Variants in ADAMTSL1 observed in about 807,000 individuals in gnomAD.
ADAMTSL1 encodes ADAMTS like 1, also known as ADAMTS-like protein 1.
ADAMTSL1 carries 126 observed loss-of-function variants against 201.8 expected under a neutral mutation model. The observed-to-expected ratio is 0.62, with a 90% confidence interval of 0.54 to 0.72. The LOEUF (loss-of-function observed/expected upper bound fraction) is 0.72, where lower values mean the gene tolerates loss of function less well. ADAMTSL1 is among the 30% of genes least tolerant of loss of function. The pLI, the probability that ADAMTSL1 is intolerant of heterozygous loss-of-function variation, is 0.00. For missense variants in ADAMTSL1, 2,679 were observed against 2,277.8 expected (o/e 1.18, Z -3.59); for synonymous variants, 1,121 against 903.4 (o/e 1.24, Z -4.32).
chr9:18,880,613 G>C (rs965484590), intron 23 of ADAMTSL1, among the ~76,000 whole-genome samples: 7 of 152,186 alleles, frequency 4.6e-5, no homozygotes. Context: ...CAGATGTGCT[G>C]TCATCCAGGC....
intron 23 of ADAMTSL1, among the ~76,000 whole-genome samples, chr9:18,860,869 T>A (rs1469126958): frequency 6.6e-6 from 1 of 152,210 alleles, no homozygotes; most frequent in Non-Finnish European, 1.5e-5. Context: ...ATAACAGGCA[T>A]AATTTCTGTC....
At chr9:18,677,844 C>CAGTATCATAAGTATAACAG (rs1218568020) in intron 10 of ADAMTSL1, among the ~76,000 whole-genome samples, 91 of 151,980 alleles carry the variant, frequency 6.0e-4, no homozygotes, top group Non-Finnish European at 1.1e-3. Context: ...TGATACTGAA[C>CAGTATCATAAGTATAACAG]TAGTTATAAA....
At chr9:18,665,331 A>G (rs1829365777) in intron 9 of ADAMTSL1, among the ~76,000 whole-genome samples, 1 of 152,120 alleles carries the variant, frequency 6.6e-6, no homozygotes, top group Admixed American at 6.6e-5. Context: ...ATTTGAACTA[A>G]TCAACTAAAA....
At chr9:18,401,375 C>T (rs1817978020) in intron 2 of ADAMTSL1, among the ~76,000 whole-genome samples, 1 of 152,204 alleles carries the variant, frequency 6.6e-6, no homozygotes, top group African/African-American at 2.4e-5. Flanking sequence ...CCCAGTTCTA[C>T]GTTCTGACTT....
chr9:18,615,250 G>C (rs1415212807), intron 4 of ADAMTSL1, among the ~76,000 whole-genome samples: 1 of 152,146 alleles, frequency 6.6e-6, no homozygotes, highest in Non-Finnish European at 1.5e-5. Flanking sequence ...AAAAAACCAA[G>C]TGTGTAAAAG....
intron 14 of ADAMTSL1, among the ~76,000 whole-genome samples, chr9:18,709,751 G>A (rs1373262729): frequency 6.6e-6 from 1 of 152,124 alleles, no homozygotes; most frequent in Non-Finnish European, 1.5e-5. Context: ...GTGTTATCAA[G>A]GAAAACAACT....
At chr9:18,857,657 A>C in intron 23 of ADAMTSL1, among the ~76,000 whole-genome samples, 1 of 152,184 alleles carries the variant, frequency 6.6e-6, no homozygotes, top group East Asian at 1.9e-4. Flanking sequence ...TGCAGAAGTT[A>C]AGTTCCAAAG....
At chr9:18,150,364 C>T (rs1826854727) in intron 1 of ADAMTSL1, among the ~76,000 whole-genome samples, 1 of 151,934 alleles carries the variant, frequency 6.6e-6, no homozygotes, top group African/African-American at 2.4e-5. Flanking sequence ...AAAGGGATGA[C>T]CTACTAGGTC....
chr9:18,105,204 C>T (rs1433931017), intron 1 of ADAMTSL1, among the ~76,000 whole-genome samples: 1 of 152,154 alleles, frequency 6.6e-6, no homozygotes, highest in African/African-American at 2.4e-5. Flanking sequence ...AATATGTGCT[C>T]TCTGAGTTTC....
chr9:18,054,481 T>G (rs1359572534), intron 1 of ADAMTSL1, among the ~76,000 whole-genome samples: 1 of 152,216 alleles, frequency 6.6e-6, no homozygotes, highest in East Asian at 1.9e-4. Context: ...CTTTTCATTA[T>G]TCTGTATATA....
intron 4 of ADAMTSL1, among the ~76,000 whole-genome samples, chr9:18,612,202 T>C (rs142529494): frequency 4.9e-4 from 75 of 152,314 alleles, no homozygotes; most frequent in African/African-American, 1.7e-3. Context: ...ACCAGAGACA[T>C]AGCAGGCAAG....
At chr9:18,747,244 C>T (rs986217461) in intron 15 of ADAMTSL1, among the ~76,000 whole-genome samples, 10 of 152,190 alleles carry the variant, frequency 6.6e-5, no homozygotes, top group African/African-American at 2.4e-4. Flanking sequence ...TACCTAACCT[C>T]TCAGAGTCTC....
In ADAMTSL1 at chr9:18,775,793, A is replaced by G. The variant is rs753576826; in HGVS notation, c.2448A>G (p.Arg816=). Residue 816 remains arginine (R), a synonymous_variant, in exon 18 of 29, where the codon CGA becomes CGG. Coordinates refer to ENST00000380548, the MANE Select transcript of ADAMTSL1 (RefSeq NM_001040272.6). ...CCCAGACTCGAAGCGCCATTTGCCGAAAGATGCTGAAAACCGGCCTCTCAA... is the reference window on the plus strand; with the variant it reads ...CCCAGACTCGAAGCGCCATTTGCCGGAAGATGCTGAAAACCGGCCTCTCAA... ...EGTQTRSAIC[R]KMLKTGLSTV... is the part of the protein sequence containing the mutation. The G allele has an allele frequency of 8.7e-6, 14 of 1,612,348 alleles. No individual in the cohort carries two copies. In the African/African-American group the frequency reaches 1.6e-4, roughly 18 times the overall value.
intron 1 of ADAMTSL1, among the ~76,000 whole-genome samples, chr9:18,115,285 T>A (rs893028454): frequency 6.6e-6 from 1 of 152,146 alleles, no homozygotes; most frequent in Non-Finnish European, 1.5e-5. Flanking sequence ...AAACCTTACT[T>A]GGCTGACTGT....
At chr9:18,297,407 A>G (rs1326558664) in intron 2 of ADAMTSL1, among the ~76,000 whole-genome samples, 1 of 150,236 alleles carries the variant, frequency 6.7e-6, no homozygotes, top group Non-Finnish European at 1.5e-5. Context: ...CCTACCAAAG[A>G]TTTGTCATTT....
chr9:18,395,918 A>T (rs928873228), intron 2 of ADAMTSL1, among the ~76,000 whole-genome samples: 5 of 152,132 alleles, frequency 3.3e-5, no homozygotes, highest in Non-Finnish European at 5.9e-5. Context: ...AGACCCCTAT[A>T]TGTTGTCTTC....
At chr9:18,083,050 A>G (rs962961510) in intron 1 of ADAMTSL1, among the ~76,000 whole-genome samples, 1 of 152,234 alleles carries the variant, frequency 6.6e-6, no homozygotes, top group Non-Finnish European at 1.5e-5. Flanking sequence ...AAAAATTAAA[A>G]GTGCATCTTT....
intron 5 of ADAMTSL1, among the ~76,000 whole-genome samples, chr9:18,633,665 T>A (rs1826923795): frequency 6.8e-6 from 1 of 146,598 alleles, no homozygotes; most frequent in African/African-American, 2.5e-5. Context: ...TTGGTTCCTT[T>A]TCTATATTCC....
At chr9:18,147,143 G>A (rs1369201172) in intron 1 of ADAMTSL1, among the ~76,000 whole-genome samples, 3 of 152,004 alleles carry the variant, frequency 2.0e-5, no homozygotes, top group South Asian at 2.1e-4. Context: ...GTCAGGGTAC[G>A]TAACCTCTGA....
Sources: allele counts gnomAD v4.1 joint callset (sites outside exome capture counted in the v4.1 genomes callset), GRCh38; gene constraint gnomAD v4.1.1; transcripts MANE v1.5; gene names NCBI Gene and HGNC (gene_info 2026-07-23, HGNC 2026-07-21).